CPLANE1: variants seen among roughly 807,000 people sequenced by gnomAD.
The protein encoded by CPLANE1 is ciliogenesis and planar polarity effector 1.
Under a neutral mutation model 362.5 loss-of-function variants are expected in CPLANE1, and 263 were observed. The observed-to-expected ratio is 0.73, with a 90% confidence interval of 0.66 to 0.80. The LOEUF (loss-of-function observed/expected upper bound fraction) is 0.80, where lower values mean the gene tolerates loss of function less well. CPLANE1 is among the 30% of genes least tolerant of loss of function. The probability of loss-of-function intolerance (pLI) is 0.00; values close to 1 mark genes in which losing one functional copy is unlikely to be tolerated. For missense variants in CPLANE1, 3,461 were observed against 3,793.4 expected (o/e 0.91, Z 2.30); for synonymous variants, 1,212 against 1,302.6 (o/e 0.93, Z 1.50).
Position 37,209,614 on chromosome 5 carries a change from G to A in CPLANE1, c.2921-3189C>T. 7.0e-7 allele frequency: 1 copy of A among 1,437,624 alleles called. No homozygotes were observed. Among genetic ancestry groups the A allele is most frequent in the Non-Finnish European group, 9.8e-7 (1 of 1,020,682 alleles). 89.1% of individuals were successfully genotyped at this position (1,437,624 alleles called of 1,614,324 possible). A position where few individuals can be genotyped will look rare whatever the true frequency, so the allele number is the denominator to read the frequency against. On this transcript the variant is annotated intron_variant, in intron 16 of 52. Transcript: ENST00000651892. This position sits in a 1 kb window ranked among gnomAD's most constrained non-coding sequence, Gnocchi z 4.6. Reference sequence around the variant, plus strand: ...TCTTTAGTGGCAGATCACTTACAAAGATGTGGCTGTGAATATTCACTTTCT... The same window carrying A: ...TCTTTAGTGGCAGATCACTTACAAAAATGTGGCTGTGAATATTCACTTTCT...
rs951749046 is a variant in CPLANE1 at position 37,226,580 on chromosome 5, A to C, written c.2015T>G (p.Leu672Arg). 8 of 1,550,632 alleles carry C rather than the reference A, an allele frequency of 5.2e-6. No individual in the cohort carries two copies. Among genetic ancestry groups the C allele is most frequent in the Non-Finnish European group, 7.0e-6 (8 of 1,146,756 alleles). ...TAACTGACCCTTTTGTTGCTGAGTC[A>C]GCAAAAGTTTTACAGTATTTGAGGT... is the stretch of plus-strand genomic sequence containing the variant. ...KLTSNTVKLL[L>R]TQQQKGQLFS... The change falls in exon 12 of 53, where the codon CTG (leucine) becomes CGG (arginine). Residue 672 changes from leucine (L) to arginine (R), a missense_variant. Leu to Arg is a moderately radical substitution (Grantham distance 102). This residue lies in a region of CPLANE1 where 3,380 missense variants were observed against 3,666.1 expected (regional missense o/e 0.92). Coordinates refer to ENST00000651892, the MANE Select transcript of CPLANE1 (RefSeq NM_001384732.1).
chr5:37,160,049 G>A (rs962803260), intron 38 of CPLANE1, among the ~76,000 whole-genome samples: 1 of 152,026 alleles, frequency 6.6e-6, no homozygotes, highest in African/African-American at 2.4e-5. Flanking sequence ...ATGCATAAAA[G>A]GTGATAGGTA....
At chr5:37,232,852 A>G (rs1209693554) in intron 8 of CPLANE1, among the ~76,000 whole-genome samples, 62 of 142,878 alleles carry the variant, frequency 4.3e-4, no homozygotes, top group Non-Finnish European at 4.6e-4. Flanking sequence ...AAAAAAAAAA[A>G]AAAAAAAAAA....
the CPLANE1 span, among the ~76,000 whole-genome samples, chr5:37,094,701 A>G: frequency 6.6e-6 from 1 of 152,192 alleles, no homozygotes; most frequent in African/African-American, 2.4e-5. Context: ...ATTAACCAAG[A>G]AAAGAAGAGA....
At chr5:37,194,719 C>T (rs1580621867) in intron 21 of CPLANE1, among the ~76,000 whole-genome samples, 1 of 149,406 alleles carries the variant, frequency 6.7e-6, no homozygotes, top group East Asian at 2.0e-4. Flanking sequence ...AGTGCGGTGG[C>T]TATTCACAGG....
At chr5:37,090,150 T>C in the CPLANE1 span, among the ~76,000 whole-genome samples, 1 of 152,190 alleles carries the variant, frequency 6.6e-6, no homozygotes, top group Non-Finnish European at 1.5e-5. Flanking sequence ...CCCAGATATT[T>C]AACCCCTGCA....
chr5:37,213,433 C>T (rs1242671884), intron 16 of CPLANE1, 126 bp downstream of exon 16: 1 of 544,660 alleles, frequency 1.8e-6, no homozygotes, highest in Non-Finnish European at 2.9e-6. Flanking sequence ...TCATAAATCA[C>T]CTCCTATGTT....
chr5:37,239,598 AAAC>A, intron 7 of CPLANE1, 112 bp downstream of exon 7: 2 of 728,636 alleles, frequency 2.7e-6, no homozygotes, highest in Admixed American at 4.0e-5. Flanking sequence ...AAAAAAAAAA[AAAC>A]CAGAAAGAAA....
chr5:37,132,344 T>TG (rs1561351338), intron 46 of CPLANE1, among the ~76,000 whole-genome samples: 7 of 136,256 alleles, frequency 5.1e-5, no homozygotes, highest in African/African-American at 1.9e-4. Context: ...CAAGTTTTTT[T>TG]TTTTTTTTTT....
Position 37,107,547 on chromosome 5 carries a change from G to C in CPLANE1, c.*55C>G. The C allele has an allele frequency of 6.9e-7, 1 of 1,447,232 alleles. No homozygotes were observed. The highest frequency in any genetic ancestry group is 1.7e-5 in the South Asian group (1 of 60,554). 89.6% of individuals were successfully genotyped at this position (1,447,232 alleles called of 1,614,324 possible). A position where few individuals can be genotyped will look rare whatever the true frequency, so the allele number is the denominator to read the frequency against. The stretch of plus-strand genomic sequence containing the variant: ...GTCCCTTAAACCTGTTAATCTTTCA[G>C]AACCACATTACTGAGGTGCTGGCCT... On this transcript the variant is annotated 3_prime_UTR_variant, in exon 53 of 53. Transcript: ENST00000651892.
At chr5:37,091,159 C>A in the CPLANE1 span, among the ~76,000 whole-genome samples, 1 of 152,148 alleles carries the variant, frequency 6.6e-6, no homozygotes. Context: ...CAGGTGTTAA[C>A]CCTAGAGGAT....
intron 16 of CPLANE1, chr5:37,210,474 G>T: frequency 8.7e-7 from 1 of 1,146,246 alleles, no homozygotes; most frequent in South Asian, 1.3e-5. Context: ...ACTGATTGAA[G>T]ATGAAAGGAA....
At position 37,186,237 on chromosome 5, in the gene CPLANE1, A is replaced by G. The variant is rs971524193; in HGVS notation, c.4189+49T>C. 10 of 931,942 alleles carry G rather than the reference A, an allele frequency of 1.1e-5. No individual in the cohort carries two copies. In the Admixed American group the frequency reaches 1.2e-4, roughly 11 times the overall value. The allele number at this position is 931,942 out of a possible 1,614,324, so 57.7% of individuals were successfully genotyped here. A position where few individuals can be genotyped will look rare whatever the true frequency, so the allele number is the denominator to read the frequency against. ...ATAAATATTTTCAAAACAAAAAGGGAATCTTCTGCAATTTATCTGTTAGCT... is the reference window on the plus strand; with the variant it reads ...ATAAATATTTTCAAAACAAAAAGGGGATCTTCTGCAATTTATCTGTTAGCT... On this transcript the variant is annotated intron_variant, in intron 24 of 52. Coordinates refer to ENST00000651892, the MANE Select transcript of CPLANE1 (RefSeq NM_001384732.1).
chr5:37,127,516 T>A (rs1470393423), intron 46 of CPLANE1, among the ~76,000 whole-genome samples: 1 of 128,606 alleles, frequency 7.8e-6, no homozygotes, highest in Non-Finnish European at 1.6e-5. Flanking sequence ...TTTTATTTAA[T>A]TTTTTTTTTT....
chr5:37,183,456 T>G lies in CPLANE1; in HGVS notation c.4725A>C (p.Pro1575=). 6.2e-7 allele frequency: 1 copy of G among 1,613,666 alleles called. No homozygotes were observed. Among genetic ancestry groups the G allele is most frequent in the African/African-American group, 1.3e-5 (1 of 75,040 alleles). The change falls in exon 26 of 53, where the codon CCA becomes CCC. Residue 1575 remains proline (P), a synonymous_variant. Coordinates refer to ENST00000651892, the MANE Select transcript of CPLANE1 (RefSeq NM_001384732.1). ...GCTTTCCAGAAAAACTAGTTAGAAA[T>G]GGAATGTCAGCATCCCTGGAATAAG... The part of the protein sequence containing the change: ...DLPYSRDADI[P]FLTSFSGKLR...
chr5:37,226,563 C>A lies in CPLANE1; in HGVS notation c.2032G>T (p.Gly678Cys). ...AAAAGTTTCTCTGAGAATAACTGAC[C>A]CTTTTGTTGCTGAGTCAGCAAAAGT... The part of the protein sequence containing the change: ...VKLLLTQQQK[G>C]QLFSEKLLAC... The change falls in exon 12 of 53, where the codon GGT (glycine) becomes TGT (cysteine). Residue 678 changes from glycine to cysteine, a missense_variant. By Grantham distance (159) the Gly-to-Cys change is radical. Coordinates refer to ENST00000651892, the MANE Select transcript of CPLANE1 (RefSeq NM_001384732.1). The A allele has an allele frequency of 1.3e-6, 2 of 1,549,214 alleles. No individual in the cohort carries two copies. Among genetic ancestry groups the A allele is most frequent in the Non-Finnish European group, 1.7e-6 (2 of 1,146,364 alleles).
chr5:37,147,100 C>T (rs535359571), intron 43 of CPLANE1, among the ~76,000 whole-genome samples: 1 of 152,230 alleles, frequency 6.6e-6, no homozygotes, highest in South Asian at 2.1e-4. Context: ...ACGGATCAAG[C>T]TGACTAATCA....
chr5:37,227,965 T>C (rs1317083652), intron 9 of CPLANE1, 148 bp from the exon 10 acceptor site: 3 of 760,280 alleles, frequency 3.9e-6, no homozygotes, highest in Non-Finnish European at 6.1e-6. Flanking sequence ...GTTTATATCT[T>C]TCAGGAAAAC....
intron 19 of CPLANE1, among the ~76,000 whole-genome samples, chr5:37,199,250 T>A (rs1373043192): frequency 1.3e-5 from 2 of 152,112 alleles, no homozygotes; most frequent in Non-Finnish European, 2.9e-5. Flanking sequence ...TTATCTCCCC[T>A]CAACGTAAAG....
Sources: gnomAD v4.1 joint callset for allele counts (sites outside exome capture counted in the v4.1 genomes callset) on GRCh38, gnomAD v4.1.1 for gene constraint, gnomAD v4.1.1 regional missense constraint, Gnocchi (gnomAD v3.1) non-coding constraint, MANE v1.5 for transcripts, NCBI Gene and HGNC (gene_info 2026-07-23, HGNC 2026-07-21) for gene names.